MPPED1: variants seen among roughly 807,000 people sequenced by gnomAD.
MPPED1 encodes the protein metallophosphoesterase domain-containing protein 1.
MPPED1 carries 16 observed loss-of-function variants against 36.2 expected under a neutral mutation model. The observed-to-expected ratio is 0.44, with a 90% CI of 0.30 to 0.67. MPPED1 has a LOEUF of 0.67. Ranked by LOEUF, MPPED1 falls within the 30% of genes least tolerant of loss-of-function variation. The probability of loss-of-function intolerance (pLI) is 0.10; values close to 1 mark genes in which losing one functional copy is unlikely to be tolerated. For missense variants in MPPED1, 307 were observed against 453.4 expected, an observed-to-expected ratio of 0.68 and a Z score of 2.93; for synonymous variants, 199 against 191.3, an observed-to-expected ratio of 1.04 and a Z score of -0.33.
At chr22:43,498,478 C>T in intron 5 of MPPED1, 128 bp downstream of exon 5, 1 of 642,338 alleles carries the variant, frequency 1.6e-6, no homozygotes, top group Non-Finnish European at 2.6e-6. Context: ...TGCTGGGGCA[C>T]TGAGGACACG....
At chr22:43,484,200 G>A (rs1021121492) in intron 4 of MPPED1, among the ~76,000 whole-genome samples, 1 of 152,198 alleles carries the variant, frequency 6.6e-6, no homozygotes, top group Non-Finnish European at 1.5e-5. Flanking sequence ...GACTTTCCCC[G>A]CTGCTTCATA....
At chr22:43,459,502 T>G (rs920328510) in intron 3 of MPPED1, among the ~76,000 whole-genome samples, 16 of 152,236 alleles carry the variant, frequency 1.1e-4, no homozygotes, top group Non-Finnish European at 2.2e-4. Flanking sequence ...GAGGCTCTGT[T>G]CATTTTTCTT....
chr22:43,468,159 T>C (rs1931238639), intron 3 of MPPED1, among the ~76,000 whole-genome samples: 1 of 152,228 alleles, frequency 6.6e-6, no homozygotes. Context: ...TACTTAAATG[T>C]CTTTGCAACA....
At chr22:43,472,921 A>G (rs1931426102) in intron 3 of MPPED1, among the ~76,000 whole-genome samples, 1 of 152,080 alleles carries the variant, frequency 6.6e-6, no homozygotes, top group African/African-American at 2.4e-5. Context: ...GTACTGCTGT[A>G]AACCTCACTC....
intron 4 of MPPED1, among the ~76,000 whole-genome samples, chr22:43,492,157 A>G (rs919282269): frequency 6.6e-6 from 1 of 152,070 alleles, no homozygotes; most frequent in African/African-American, 2.4e-5. Context: ...AGTACTTTAC[A>G]TGGATTAACT....
rs140991964 is a variant in MPPED1 at position 43,414,135 on chromosome 22, T to A, written c.-79+1977T>A. Among the ~76,000 whole-genome samples the A allele has an allele frequency of 8.5e-5, 13 of 152,326 alleles. 1 individual carries two copies. In the East Asian group the frequency reaches 2.5e-3, roughly 29 times the overall value. On this transcript the variant is annotated intron_variant, in intron 1 of 6. Coordinates refer to ENST00000443721, the MANE Select transcript of MPPED1 (RefSeq NM_001044370.2). Reference sequence around the variant, plus strand: ...TAGGGTGTTTTACTTGAGCCCCAACTGTCAGGAATACACAGACTGATGTAG... The same window carrying A: ...TAGGGTGTTTTACTTGAGCCCCAACAGTCAGGAATACACAGACTGATGTAG...
chr22:43,439,860 C>T (rs1010644200), intron 3 of MPPED1, among the ~76,000 whole-genome samples: 9 of 152,240 alleles, frequency 5.9e-5, no homozygotes, highest in East Asian at 1.9e-4. Context: ...CTCCCTGGTC[C>T]GGGGCCCACG....
intron 6 of MPPED1, among the ~76,000 whole-genome samples, chr22:43,503,522 A>G (rs1232769436): frequency 6.6e-6 from 1 of 152,042 alleles, no homozygotes; most frequent in African/African-American, 2.4e-5. Flanking sequence ...AGGCCTCCAC[A>G]TTGCCTGGTC....
At chr22:43,465,125 G>A (rs981598172) in intron 3 of MPPED1, among the ~76,000 whole-genome samples, 2 of 152,226 alleles carry the variant, frequency 1.3e-5, no homozygotes, top group African/African-American at 2.4e-5. Context: ...CACGAGGAGG[G>A]GAAAGGCCTC....
intron 1 of MPPED1, among the ~76,000 whole-genome samples, chr22:43,422,896 G>T (rs1929324498): frequency 6.6e-6 from 1 of 152,114 alleles, no homozygotes; most frequent in Admixed American, 6.5e-5. Context: ...GAGTGCAGTG[G>T]CGCTGTCTCG....
Position 43,424,926 on chromosome 22 carries a change from G to A in MPPED1, c.-60G>A, listed in dbSNP as rs755292255. On this transcript the variant is annotated 5_prime_UTR_variant, in exon 2 of 7. Transcript: ENST00000443721. Reference sequence around the variant, plus strand: ...TCCTCAGTCTGTTTCCAGGTCTGGCGGGGGGCCGGGCTGCGGTGGCGGCAG... The same window carrying A: ...TCCTCAGTCTGTTTCCAGGTCTGGCAGGGGGCCGGGCTGCGGTGGCGGCAG... 3.6e-5 allele frequency: 55 copies of A among 1,538,944 alleles called. No homozygotes were observed. Among genetic ancestry groups the A allele is most frequent in the Middle Eastern group, 1.8e-4 (1 of 5,616 alleles).
intron 3 of MPPED1, among the ~76,000 whole-genome samples, chr22:43,471,398 C>T (rs1347736382): frequency 2.0e-5 from 3 of 152,162 alleles, no homozygotes; most frequent in African/African-American, 7.2e-5. Context: ...GTCTGCTGGC[C>T]TTGGAGGAGT....
intron 4 of MPPED1, among the ~76,000 whole-genome samples, chr22:43,493,376 C>G (rs761992167): frequency 6.6e-6 from 1 of 152,210 alleles, no homozygotes; most frequent in Non-Finnish European, 1.5e-5. Context: ...TCAGTCACCC[C>G]ACGGAACAGT....
intron 3 of MPPED1, among the ~76,000 whole-genome samples, chr22:43,462,645 C>T (rs1416056048): frequency 6.6e-6 from 1 of 152,134 alleles, no homozygotes; most frequent in East Asian, 1.9e-4. Context: ...CATAGTTCAT[C>T]CTCAAGTCTT....
intron 3 of MPPED1, among the ~76,000 whole-genome samples, chr22:43,454,543 G>A (rs1245258613): frequency 6.6e-6 from 1 of 152,042 alleles, no homozygotes; most frequent in African/African-American, 2.4e-5. Flanking sequence ...GGCTTCAAGG[G>A]ATCCTCCTGC....
At chr22:43,430,095 G>C (rs1370171907) in intron 2 of MPPED1, among the ~76,000 whole-genome samples, 1 of 152,188 alleles carries the variant, frequency 6.6e-6, no homozygotes, top group Non-Finnish European at 1.5e-5. Flanking sequence ...GAGAGGAAGG[G>C]ACTAGAGGTC....
chr22:43,423,362 C>G (rs1012368169), intron 1 of MPPED1, among the ~76,000 whole-genome samples: 1 of 152,230 alleles, frequency 6.6e-6, no homozygotes, highest in Admixed American at 6.5e-5. Flanking sequence ...GTGCAGGCCC[C>G]TGCTCCCCCA....
At chr22:43,424,269 C>T (rs1312894722) in intron 1 of MPPED1, among the ~76,000 whole-genome samples, 1 of 152,170 alleles carries the variant, frequency 6.6e-6, no homozygotes, top group Non-Finnish European at 1.5e-5. Context: ...TCTGCCCCTA[C>T]CTGCACTACC....
At chr22:43,500,624 C>T (rs1932705213) in intron 5 of MPPED1, among the ~76,000 whole-genome samples, 1 of 151,892 alleles carries the variant, frequency 6.6e-6, no homozygotes, top group East Asian at 1.9e-4. Context: ...CGGCCCATAT[C>T]AGTGTCTTGC....
Sources: allele counts gnomAD v4.1 joint callset (sites outside exome capture counted in the v4.1 genomes callset), GRCh38; gene constraint gnomAD v4.1.1; transcripts MANE v1.5; gene names NCBI Gene and HGNC (gene_info 2026-07-23, HGNC 2026-07-21).